The following TRAF3IP3 variants were observed in gnomAD, a reference collection of about 807,000 sequenced individuals.
The protein encoded by TRAF3IP3 is TRAF3-interacting JNK-activating modulator.
A neutral mutation model predicts 86.5 loss-of-function variants in TRAF3IP3; 64 were observed. That is an observed-to-expected ratio of 0.74 (90% CI 0.60 to 0.91). The LOEUF (loss-of-function observed/expected upper bound fraction) is 0.91. TRAF3IP3 is among the 40% of genes least tolerant of loss of function. TRAF3IP3 has a pLI of 0.00. For missense variants in TRAF3IP3, 579 were observed against 642.9 expected (o/e 0.90, Z 1.07); for synonymous variants, 220 against 243.9 (o/e 0.90, Z 0.91).
In TRAF3IP3 at chr1:209,772,954, C is replaced by T. The variant is rs747411291; in HGVS notation, c.709C>T (p.Leu237Phe). 3.1e-6 allele frequency: 5 copies of T among 1,613,846 alleles called. No homozygotes were observed. The South Asian group carries it at 5.5e-5, about 18-fold the overall frequency. ...CTCATCCCATTTGCTCCAGGGACAG[C>T]TTAATGAAGACAAACTGAAGGGGAA... is the stretch of plus-strand genomic sequence containing the variant. ...QASDSSWKGQ[L>F]NEDKLKGKLR... The change falls in exon 9 of 17, where the codon CTT becomes TTT. Residue 237 changes from leucine to phenylalanine, a missense_variant. Leu to Phe is a conservative substitution (Grantham distance 22, BLOSUM62 0). Coordinates refer to ENST00000367025, the MANE Select transcript of TRAF3IP3 (RefSeq NM_025228.4).
chr1:209,780,260 C>T, intron 14 of TRAF3IP3: 2 of 382,208 alleles, frequency 5.2e-6, no homozygotes, highest in South Asian at 1.8e-4. Context: ...CCCAATCTTG[C>T]CCTCAAGGAG....
At chr1:209,777,571 C>T in intron 12 of TRAF3IP3, 84 bp downstream of exon 12, 1 of 1,392,580 alleles carries the variant, frequency 7.2e-7, no homozygotes, top group Non-Finnish European at 9.7e-7. Flanking sequence ...AAGAGAAAGG[C>T]TTCAGCCTTT....
chr1:209,772,726 G>C (rs1344346868), intron 8 of TRAF3IP3, among the ~76,000 whole-genome samples: 1 of 152,120 alleles, frequency 6.6e-6, no homozygotes, highest in Non-Finnish European at 1.5e-5. Context: ...GTAAAAAGAG[G>C]ACTTGAGGCC....
intron 8 of TRAF3IP3, among the ~76,000 whole-genome samples, chr1:209,772,009 G>C (rs1028749709): frequency 6.6e-6 from 1 of 151,170 alleles, no homozygotes; most frequent in Non-Finnish European, 1.5e-5. Context: ...GTGTATGTGT[G>C]CAGGTGGAAG....
At chr1:209,781,513 T>A in intron 16 of TRAF3IP3, 55 bp downstream of exon 16, 1 of 1,351,856 alleles carries the variant, frequency 7.4e-7, no homozygotes, top group Non-Finnish European at 1.1e-6. Context: ...ATTCCTTCTT[T>A]AACCAAGTTT....
At chr1:209,771,722 A>G (rs1161002009) in intron 8 of TRAF3IP3, among the ~76,000 whole-genome samples, 8 of 107,012 alleles carry the variant, frequency 7.5e-5, no homozygotes, top group East Asian at 2.9e-4. Flanking sequence ...TGCAGGTGGA[A>G]GTGTACGTGT....
At chr1:209,778,447 T>C (rs2077705984) in intron 13 of TRAF3IP3, 7 of 436,090 alleles carry the variant, frequency 1.6e-5, no homozygotes, top group Non-Finnish European at 2.4e-5. Flanking sequence ...AAATACTGGG[T>C]TTCCTAAAGC....
Position 209,779,297 on chromosome 1 carries a change from C to T in TRAF3IP3, c.1253-18C>T, listed in dbSNP as rs1235626806. On this transcript the variant is annotated intron_variant, in intron 13 of 16. Coordinates refer to ENST00000367025, the MANE Select transcript of TRAF3IP3 (RefSeq NM_025228.4). Reference sequence around the variant, plus strand: ...GTAAATATGCTAGCATAGACAAGTTCCTTGTGTTTTCCAACAGGTTTGCTT... The same window carrying T: ...GTAAATATGCTAGCATAGACAAGTTTCTTGTGTTTTCCAACAGGTTTGCTT... 1.9e-6 allele frequency: 3 copies of T among 1,612,064 alleles called. No homozygotes were observed. The highest frequency in any genetic ancestry group is 2.7e-5 in the African/African-American group (2 of 74,834).
intron 14 of TRAF3IP3, 132 bp from the exon 15 acceptor site, chr1:209,780,338 T>C: frequency 1.3e-6 from 1 of 740,972 alleles, no homozygotes; most frequent in South Asian, 4.3e-5. Flanking sequence ...TGTCAGAGAA[T>C]GCCATCAGTC....
intron 13 of TRAF3IP3, chr1:209,778,490 A>C: frequency 3.2e-6 from 1 of 312,180 alleles, no homozygotes; most frequent in Non-Finnish European, 5.8e-6. Flanking sequence ...ATTTATGTAC[A>C]TGAATGTGTC....
intron 8 of TRAF3IP3, among the ~76,000 whole-genome samples, chr1:209,764,560 G>A (rs1262956671): frequency 6.6e-6 from 1 of 152,018 alleles, no homozygotes; most frequent in East Asian, 1.9e-4. Context: ...TGGCCAACAT[G>A]GCGAAACCCC....
At chr1:209,780,654 A>G in intron 15 of TRAF3IP3, 48 bp downstream of exon 15, 1 of 1,462,092 alleles carries the variant, frequency 6.8e-7, no homozygotes, top group Non-Finnish European at 9.1e-7. Context: ...GAAATAGCAG[A>G]GAAACCTGGG....
chr1:209,770,581 T>C (rs1411937272), intron 8 of TRAF3IP3, among the ~76,000 whole-genome samples: 1 of 131,966 alleles, frequency 7.6e-6, no homozygotes. Context: ...TGTGTGCATG[T>C]GGAGGTGTAT....
rs563684754 is a variant in TRAF3IP3, at chr1:209,757,197, T to C, written c.-160+888T>C. Among the ~76,000 whole-genome samples the C allele has an allele frequency of 3.3e-4, 50 of 152,342 alleles. No homozygotes were observed. The South Asian group carries it at 9.9e-3, about 30-fold the overall frequency. On this transcript the variant is annotated intron_variant, in intron 1 of 16. Coordinates refer to ENST00000367025, the MANE Select transcript of TRAF3IP3 (RefSeq NM_025228.4). ...AAGGAGCCATTTCCACTGCAGCTCCTTTCTTGGGTAAGAAGGCTCCATGTC... is the reference window on the plus strand; with the variant it reads ...AAGGAGCCATTTCCACTGCAGCTCCCTTCTTGGGTAAGAAGGCTCCATGTC...
Position 209,763,552 on chromosome 1 carries a change from T to C in TRAF3IP3, c.667T>C (p.Ser223Pro), listed in dbSNP as rs1209723641. Residue 223 changes from serine (S) to proline (P), a missense_variant, in exon 8 of 17, where the codon TCC becomes CCC. By Grantham distance (74) the Ser-to-Pro change is moderately conservative (BLOSUM62 -1). Transcript: ENST00000367025. ...AATGGTGATTCTCCAAGACCTACTG[T>C]CCACTCTGATTCAGGCCTCTGACAG... ...QKMVILQDLL[S>P]TLIQASDSSW... is the part of the protein sequence containing the mutation. 3 of 1,614,062 alleles carry C rather than the reference T, an allele frequency of 1.9e-6. No homozygotes were observed. Among genetic ancestry groups the C allele is most frequent in the Non-Finnish European group, 2.5e-6 (3 of 1,180,026 alleles).
chr1:209,778,283 A>C, intron 13 of TRAF3IP3, 110 bp downstream of exon 13: 1 of 765,738 alleles, frequency 1.3e-6, no homozygotes, highest in Non-Finnish European at 2.2e-6. Flanking sequence ...ATATGCTCTA[A>C]CTCTGTGCAC....
chr1:209,777,365 GGGACT>G lies in TRAF3IP3; in HGVS notation c.1068_1072del (p.Arg356SerfsTer13). The G allele has an allele frequency of 1.9e-6, 3 of 1,613,822 alleles. No individual in the cohort carries two copies. The highest frequency in any genetic ancestry group is 2.5e-6 in the Non-Finnish European group (3 of 1,179,902). On this transcript the variant is annotated frameshift_variant, in exon 12 of 17. Transcript: ENST00000367025. LOFTEE classifies it high-confidence loss of function. ...TCCTCCTTACAGGGAGCAGATAGCA[GGGACT>G]TACAGATGAACCAGGCCCTGCGATT...
chr1:209,758,356 A>T (rs1384090611), intron 1 of TRAF3IP3: 2 of 152,222 alleles, frequency 1.3e-5, no homozygotes, highest in East Asian at 3.9e-4. Flanking sequence ...CTGACACCAG[A>T]GTATGCCCCT....
At chr1:209,757,989 C>T (rs1558212184) in intron 1 of TRAF3IP3, among the ~76,000 whole-genome samples, 6 of 152,182 alleles carry the variant, frequency 3.9e-5, no homozygotes, top group African/African-American at 1.2e-4. Context: ...CATGAGTCCA[C>T]GCAGTGTGAC....
Sources: gnomAD v4.1 joint callset for allele counts (sites outside exome capture counted in the v4.1 genomes callset) on GRCh38, gnomAD v4.1.1 for gene constraint, MANE v1.5 for transcripts, NCBI Gene and HGNC (gene_info 2026-07-23, HGNC 2026-07-21) for gene names.